VRK2: variants seen among roughly 807,000 people sequenced by gnomAD.
VRK2 encodes VRK serine/threonine kinase 2, also known as serine/threonine-protein kinase VRK2.
VRK2 carries 60 observed loss-of-function variants against 57.6 expected under a neutral mutation model. That is an observed-to-expected ratio of 1.04 (90% confidence interval 0.85 to 1.29). VRK2 has a LOEUF of 1.29. VRK2 is among the 50% of genes most tolerant of loss of function. VRK2 has a pLI of 0.00. For synonymous variants in VRK2, 231 were observed against 199.2 expected (o/e 1.16, Z -1.35); for missense variants, 705 against 588.1 (o/e 1.20, Z -2.06).
In VRK2 at chr2:57,998,162, C is replaced by T. The variant is rs928326596; in HGVS notation, c.-438-27503C>T. ...TGGGCAGGGTTGAGCGGAACTGTTG[C>T]TTTTTATTAAAAGCCTTTCTGCCCT... On this transcript the variant is annotated intron_variant, in intron 1 of 15. Transcript: ENST00000417641. 5.9e-5 allele frequency among the ~76,000 whole-genome samples: 9 copies of T among 152,172 alleles called. No homozygotes were observed. In the South Asian group the frequency reaches 1.9e-3, roughly 32 times the overall value.
At chr2:58,082,596 A>G (rs73944804) in intron 2 of VRK2, among the ~76,000 whole-genome samples, 9,353 of 151,290 alleles carry the variant, frequency 0.062, 964 homozygotes, top group African/African-American at 0.22. Context: ...CCAAGACTGG[A>G]CTCTGTCCCC....
At chr2:58,011,741 C>T (rs1248080620) in intron 1 of VRK2, among the ~76,000 whole-genome samples, 1 of 152,070 alleles carries the variant, frequency 6.6e-6, no homozygotes, top group Non-Finnish European at 1.5e-5. Context: ...AAAAACAGTT[C>T]CATAAAATGA....
rs1268573835 is a variant in VRK2 at position 58,046,840 on chromosome 2, G to A, written c.-34G>A. The A allele has an allele frequency of 1.0e-6, 1 of 985,430 alleles. No homozygotes were observed. 61.0% of individuals were successfully genotyped at this position (985,430 alleles called of 1,614,324 possible). On this transcript the variant is annotated 5_prime_UTR_variant, in exon 1 of 13. Transcript: ENST00000340157. ...GCGGCAGGTAGGAGGCGGTGCGCGC[G>A]GCCCGGCGACGGGGGATCCTGAGGC...
intron 1 of VRK2, among the ~76,000 whole-genome samples, chr2:57,919,063 C>T (rs1017674522): frequency 6.6e-6 from 1 of 152,032 alleles, no homozygotes. Flanking sequence ...AAATACTTGT[C>T]CAATTTAATT....
chr2:57,923,830 G>A (rs1001951812), intron 1 of VRK2, among the ~76,000 whole-genome samples: 1 of 151,780 alleles, frequency 6.6e-6, no homozygotes, highest in African/African-American at 2.4e-5. Flanking sequence ...ATTTCTCCAA[G>A]GTTTCCCTTT....
chr2:58,131,870 A>T lies in VRK2; in HGVS notation c.739A>T (p.Lys247Ter), dbSNP rs762051577. The part of the protein sequence containing the change: ...GYCMLRWLCG[K>*]LPWEQNLKDP... The stretch of plus-strand genomic sequence containing the variant: ...CTGCATGCTGCGGTGGTTGTGTGGG[A>T]AACTTCCCTGGGAACAGAACCTGAA... Residue 247 changes from lysine (K) to a stop codon, truncating the protein, a stop_gained, in exon 9 of 13, where the codon AAA becomes TAA. Coordinates refer to ENST00000340157, the MANE Select transcript of VRK2 (RefSeq NM_006296.7). LOFTEE classifies it high-confidence loss of function. The T allele has an allele frequency of 6.2e-7, 1 of 1,613,980 alleles. No homozygotes were observed. The highest frequency in any genetic ancestry group is 1.7e-5 in the Admixed American group (1 of 59,980).
At chr2:58,075,852 G>GGGCTTATAGTACTTATAGAGTACTTATA (rs1261613763) in intron 2 of VRK2, among the ~76,000 whole-genome samples, 3 of 129,504 alleles carry the variant, frequency 2.3e-5, no homozygotes, top group African/African-American at 5.5e-5. Flanking sequence ...AGAACATGGA[G>GGGCTTATAGTACTTATAGAGTACTTATA]GGCTTATAGT....
intron 2 of VRK2, among the ~76,000 whole-genome samples, chr2:58,069,634 C>T (rs928192644): frequency 6.6e-6 from 1 of 152,242 alleles, no homozygotes; most frequent in Non-Finnish European, 1.5e-5. Context: ...AAGTTTCCTT[C>T]CTTGAGAGTT....
At chr2:58,066,049 T>A (rs1268802034) in intron 2 of VRK2, among the ~76,000 whole-genome samples, 6 of 152,182 alleles carry the variant, frequency 3.9e-5, no homozygotes, top group Non-Finnish European at 8.8e-5. Flanking sequence ...CACAATCACA[T>A]CATCTGGAGA....
chr2:58,150,942 C>T (rs546626385), intron 12 of VRK2, among the ~76,000 whole-genome samples: 8 of 151,478 alleles, frequency 5.3e-5, no homozygotes, highest in African/African-American at 1.7e-4. Flanking sequence ...TACTGGGTAT[C>T]TTTTTTGTTA....
At position 58,068,336 on chromosome 2, in the gene VRK2, G is replaced by A. The variant is rs191419517; in HGVS notation, c.137-15753G>A. Among the ~76,000 whole-genome samples, 503 of 152,224 alleles carry A rather than the reference G, an allele frequency of 3.3e-3. 6 individuals are homozygous for A. The highest frequency in any genetic ancestry group is 0.011 in the African/African-American group (468 of 41,552). The stretch of plus-strand genomic sequence containing the variant: ...TTCTTTTCCAAAAGGTATTTTTGCT[G>A]GATGTTGGATTGATAATTTTTTTCC... On this transcript the variant is annotated intron_variant, in intron 2 of 12. Transcript: ENST00000340157.
intron 3 of VRK2, chr2:58,041,140 G>T: frequency 1.1e-6 from 1 of 891,458 alleles, no homozygotes. Context: ...CGTATTTGGG[G>T]AATGGACAGG....
chr2:58,103,288 A>T (rs905181121), intron 7 of VRK2, among the ~76,000 whole-genome samples: 3 of 151,004 alleles, frequency 2.0e-5, no homozygotes, highest in Non-Finnish European at 3.0e-5. Flanking sequence ...AAATTAAAAT[A>T]AAAAAATCAA....
At chr2:58,090,098 A>G (rs1672158999) in intron 7 of VRK2, among the ~76,000 whole-genome samples, 2 of 152,150 alleles carry the variant, frequency 1.3e-5, no homozygotes, top group Admixed American at 6.5e-5. Context: ...ATAACCAATT[A>G]AGTTTTAAGC....
chr2:58,149,322 A>G (rs1012094546), intron 12 of VRK2, among the ~76,000 whole-genome samples: 2 of 151,810 alleles, frequency 1.3e-5, no homozygotes, highest in African/African-American at 4.8e-5. Flanking sequence ...GCTGGTATAT[A>G]GAAATAGAAT....
At chr2:58,010,208 G>A (rs1265640833) in intron 1 of VRK2, among the ~76,000 whole-genome samples, 1 of 152,118 alleles carries the variant, frequency 6.6e-6, no homozygotes, top group Non-Finnish European at 1.5e-5. Flanking sequence ...TATTAGAGGT[G>A]TGACCTTGGG....
chr2:58,047,339 G>C (rs1288924451), intron 1 of VRK2: 1 of 837,976 alleles, frequency 1.2e-6, no homozygotes, highest in Non-Finnish European at 1.4e-6. Context: ...CAGTTTGCTC[G>C]GAAACTCGTG....
chr2:58,065,974 G>C (rs1014619599), intron 2 of VRK2, among the ~76,000 whole-genome samples: 1 of 152,002 alleles, frequency 6.6e-6, no homozygotes, highest in Non-Finnish European at 1.5e-5. Context: ...CTATGAATTT[G>C]GTAAACCCAG....
chr2:58,038,793 T>C (rs1216701540), intron 3 of VRK2, among the ~76,000 whole-genome samples: 1 of 152,160 alleles, frequency 6.6e-6, no homozygotes, highest in Admixed American at 6.6e-5. Context: ...TAAAGATACA[T>C]ACACCTTTTT....
Sources: allele counts gnomAD v4.1 joint callset (sites outside exome capture counted in the v4.1 genomes callset), GRCh38; gene constraint gnomAD v4.1.1; transcripts MANE v1.5; gene names NCBI Gene and HGNC (gene_info 2026-07-23, HGNC 2026-07-21).